CFAP54: variants seen among roughly 807,000 people sequenced by gnomAD.
CFAP54 encodes the protein cilia and flagella associated protein 54, also known as cilia- and flagella-associated protein 54.
A neutral mutation model predicts 370.4 loss-of-function variants in CFAP54; 290 were observed. That is an observed-to-expected ratio of 0.78 (90% CI 0.71 to 0.86). The LOEUF is 0.86. Among genes scored for constraint, CFAP54 ranks in the 40% least tolerant of loss-of-function variants. CFAP54 has a pLI of 0.00. For synonymous variants in CFAP54, 1,206 were observed against 1,236.5 expected (o/e 0.98, Z 0.52); for missense variants, 3,399 against 3,528.7 (o/e 0.96, Z 0.93).
chr12:96,782,415 C>A (rs1262112465), intron 60 of CFAP54, among the ~76,000 whole-genome samples: 1 of 151,922 alleles, frequency 6.6e-6, no homozygotes, highest in Non-Finnish European at 1.5e-5. Flanking sequence ...TAGACACTTC[C>A]CAAGAAGTAC....
chr12:96,795,779 A>G (rs754176971), intron 63 of CFAP54, among the ~76,000 whole-genome samples: 11 of 151,854 alleles, frequency 7.2e-5, no homozygotes, highest in Non-Finnish European at 1.5e-4. Flanking sequence ...TGCACTCCCC[A>G]TTTGCCCCCT....
In CFAP54 at chr12:96,503,871, C is replaced by T; in HGVS notation, c.424-15C>T. On this transcript the variant is annotated splice_polypyrimidine_tract_variant and intron_variant, in intron 2 of 67. Coordinates refer to ENST00000524981, the MANE Select transcript of CFAP54 (RefSeq NM_001306084.2). ...GATATTTTGGAACTTTAATCAAGTA[C>T]TCCTTTTGTTTCAGGAATACAAACT... 6.8e-7 allele frequency: 1 copy of T among 1,465,678 alleles called. No individual in the cohort carries two copies. Among genetic ancestry groups the T allele is most frequent in the Non-Finnish European group, 9.0e-7 (1 of 1,117,022 alleles). 90.8% of individuals were successfully genotyped at this position (1,465,678 alleles called of 1,614,324 possible). A position where few individuals can be genotyped will look rare whatever the true frequency, so the allele number is the denominator to read the frequency against.
In CFAP54 at chr12:96,534,100, T is replaced by C; in HGVS notation, c.1578T>C (p.Asp526=). ...CAGAGTCAAAGAAAGCAGAGAAGGATTTAACTCTTCTGATTGCAATGGAAC... is the reference window on the plus strand; with the variant it reads ...CAGAGTCAAAGAAAGCAGAGAAGGACTTAACTCTTCTGATTGCAATGGAAC... The part of the protein sequence containing the change: ...DDPESKKAEK[D]LTLLIAMEPL... The change falls in exon 11 of 68, where the codon GAT becomes GAC. Residue 526 remains aspartate, a synonymous_variant. Transcript: ENST00000524981. 6.5e-7 allele frequency: 1 copy of C among 1,533,564 alleles called. No homozygotes were observed. Among genetic ancestry groups the C allele is most frequent in the Non-Finnish European group, 8.7e-7 (1 of 1,145,890 alleles). The allele number at this position is 1,533,564 out of a possible 1,614,324, so 95.0% of individuals were successfully genotyped here. A position where few individuals can be genotyped will look rare whatever the true frequency, so the allele number is the denominator to read the frequency against.
At chr12:96,688,311 G>A (rs1382868067) in intron 42 of CFAP54, among the ~76,000 whole-genome samples, 2 of 152,212 alleles carry the variant, frequency 1.3e-5, no homozygotes, top group African/African-American at 4.8e-5. Context: ...ATAATAAACA[G>A]CTAGAGAGAA....
At chr12:96,603,096 A>C (rs1456116014) in intron 26 of CFAP54, among the ~76,000 whole-genome samples, 1 of 152,106 alleles carries the variant, frequency 6.6e-6, no homozygotes, top group Admixed American at 6.5e-5. Flanking sequence ...GGCTGGTACC[A>C]GTTGTTCCTT....
chr12:96,672,834 A>G (rs1364185170), intron 39 of CFAP54, among the ~76,000 whole-genome samples: 2 of 152,228 alleles, frequency 1.3e-5, no homozygotes, highest in East Asian at 1.9e-4. Context: ...TATCAAAATG[A>G]TGACTAGCAT....
In CFAP54 at chr12:96,721,542, A is replaced by ATG. The variant is rs572022643; in HGVS notation, c.6965+978_6965+979dup. On this transcript the variant is annotated intron_variant, in intron 50 of 67. Coordinates refer to ENST00000524981, the MANE Select transcript of CFAP54 (RefSeq NM_001306084.2). The stretch of plus-strand genomic sequence containing the variant: ...CAGCGCTTTTTTCATATTTAATAAT[A>ATG]TGGACATCCACATTCAAGAGTTTCT... 1.1e-3 allele frequency among the ~76,000 whole-genome samples: 166 copies of ATG among 152,340 alleles called. 2 individuals carry two copies. The highest frequency in any genetic ancestry group is 4.6e-4 in the Non-Finnish European group (31 of 68,040).
intron 38 of CFAP54, among the ~76,000 whole-genome samples, chr12:96,662,277 T>G (rs1317569647): frequency 6.6e-6 from 1 of 152,218 alleles, no homozygotes; most frequent in African/African-American, 2.4e-5. Context: ...CAATCTTGCC[T>G]CGCTGCAACC....
intron 52 of CFAP54, among the ~76,000 whole-genome samples, chr12:96,743,043 G>A (rs1427084885): frequency 6.6e-6 from 1 of 152,142 alleles, no homozygotes; most frequent in Non-Finnish European, 1.5e-5. Flanking sequence ...AGAATTAAAT[G>A]GGTTAAATTT....
intron 66 of CFAP54, among the ~76,000 whole-genome samples, chr12:96,833,042 T>A (rs1431695939): frequency 2.6e-5 from 4 of 152,198 alleles, no homozygotes; most frequent in Non-Finnish European, 5.9e-5. Context: ...TCTTCCTAAT[T>A]AAAATAAATA....
intron 15 of CFAP54, among the ~76,000 whole-genome samples, chr12:96,551,602 A>G (rs76026721): frequency 2.6e-5 from 4 of 152,088 alleles, no homozygotes; most frequent in African/African-American, 7.2e-5. Context: ...ACATAATGCA[A>G]TACATTGCAT....
intron 48 of CFAP54, 40 bp downstream of exon 48, chr12:96,708,843 C>T (rs1231377524): frequency 2.0e-6 from 3 of 1,477,634 alleles, no homozygotes; most frequent in Non-Finnish European, 2.8e-6. Context: ...TTTCTCCTCC[C>T]TTTCCCTAAC....
intron 63 of CFAP54, among the ~76,000 whole-genome samples, chr12:96,801,337 A>G (rs188921616): frequency 6.6e-6 from 1 of 152,230 alleles, no homozygotes; most frequent in African/African-American, 2.4e-5. Context: ...CTTTAATAGA[A>G]TATAATAGAA....
At chr12:96,821,118 A>G (rs1959027510) in intron 65 of CFAP54, among the ~76,000 whole-genome samples, 1 of 152,156 alleles carries the variant, frequency 6.6e-6, no homozygotes, top group African/African-American at 2.4e-5. Flanking sequence ...TCTGAACTCC[A>G]TAATGATCTT....
chr12:96,712,219 CTTTGGATGTCTCT>C (rs1335883438), intron 48 of CFAP54, among the ~76,000 whole-genome samples: 2 of 152,058 alleles, frequency 1.3e-5, no homozygotes, highest in Non-Finnish European at 2.9e-5. Context: ...GCGTTTCAGA[CTTTGGATGTCTCT>C]TTTGCCTGAG....
At position 96,718,446 on chromosome 12, in the gene CFAP54, T is replaced by C; in HGVS notation, c.6728T>C (p.Ile2243Thr). The C allele has an allele frequency of 6.8e-7, 1 of 1,479,216 alleles. No homozygotes were observed. Among genetic ancestry groups the C allele is most frequent in the Non-Finnish European group, 9.4e-7 (1 of 1,058,682 alleles). The allele number at this position is 1,479,216 out of a possible 1,614,324, so 91.6% of individuals were successfully genotyped here. The part of the protein sequence containing the change: ...SKPNLPNLEE[I>T]YSKDDGSSFY... ...CCAAAATTTTGTGTCTTTATAGAGA[T>C]ATATTCAAAGGATGATGGAAGTTCA... Residue 2243 changes from isoleucine (I) to threonine (T), a missense_variant, in exon 49 of 68, where the codon ATA becomes ACA. Transcript: ENST00000524981.
intron 58 of CFAP54, among the ~76,000 whole-genome samples, chr12:96,760,019 A>G (rs115534675): frequency 1.2e-4 from 18 of 152,328 alleles, no homozygotes; most frequent in Admixed American, 3.3e-4. Flanking sequence ...GGCTTAATGT[A>G]CATTAACCAC....
chr12:96,718,473 T>C lies in CFAP54; in HGVS notation c.6755T>C (p.Phe2252Ser), dbSNP rs751980229. Residue 2252 changes from phenylalanine to serine, a missense_variant, in exon 49 of 68, where the codon TTT (phenylalanine) becomes TCT (serine). Coordinates refer to ENST00000524981, the MANE Select transcript of CFAP54 (RefSeq NM_001306084.2). ...EIYSKDDGSS[F>S]YNLTKLKDEI... ...TATTCAAAGGATGATGGAAGTTCAT[T>C]TTATAATCTTACAAAACTTAAAGAT... 1.9e-6 allele frequency: 3 copies of C among 1,579,216 alleles called. No homozygotes were observed. Among genetic ancestry groups the C allele is most frequent in the Non-Finnish European group, 2.6e-6 (3 of 1,149,116 alleles).
chr12:96,529,842 A>G (rs1406744386), intron 9 of CFAP54, among the ~76,000 whole-genome samples: 2 of 152,176 alleles, frequency 1.3e-5, no homozygotes, highest in Non-Finnish European at 2.9e-5. Flanking sequence ...AATATAGTCC[A>G]ATTTATCAAT....
Sources: gnomAD v4.1 joint callset for allele counts (sites outside exome capture counted in the v4.1 genomes callset) on GRCh38, gnomAD v4.1.1 for gene constraint, MANE v1.5 for transcripts, NCBI Gene and HGNC (gene_info 2026-07-23, HGNC 2026-07-21) for gene names.